The following ANKFN1 variants were observed in gnomAD, a reference collection of about 807,000 sequenced individuals.
The protein encoded by ANKFN1 is ankyrin repeat and fibronectin type III domain containing 1, also known as ankyrin repeat and fibronectin type-III domain-containing protein 1.
A neutral mutation model predicts 108.7 loss-of-function variants in ANKFN1; 74 were observed. That is an observed-to-expected ratio of 0.68 (90% CI 0.56 to 0.83). The LOEUF (loss-of-function observed/expected upper bound fraction) is 0.83. Ranked by LOEUF, ANKFN1 falls within the 40% of genes least tolerant of loss-of-function variation. ANKFN1 has a pLI of 0.00. For missense variants in ANKFN1, 1,505 were observed against 1,382.3 expected (o/e 1.09, Z -1.41); for synonymous variants, 547 against 516.2 (o/e 1.06, Z -0.81).
intron 8 of ANKFN1, among the ~76,000 whole-genome samples, chr17:56,404,723 A>T (rs2047865794): frequency 1.3e-5 from 2 of 152,060 alleles, no homozygotes; most frequent in South Asian, 2.1e-4. Context: ...TTTGGGGGGT[A>T]TGGAAGAGCC....
intron 1 of ANKFN1, among the ~76,000 whole-genome samples, chr17:56,163,417 G>T (rs910127449): frequency 5.3e-5 from 8 of 152,230 alleles, no homozygotes; most frequent in African/African-American, 1.7e-4. Context: ...TAGCGGTGCA[G>T]AAAGCCCTGG....
At chr17:56,053,765 C>T (rs1904817905) in intron 4 of ANKFN1, among the ~76,000 whole-genome samples, 1 of 152,128 alleles carries the variant, frequency 6.6e-6, no homozygotes, top group South Asian at 2.1e-4. Flanking sequence ...ATTTACATTC[C>T]CAGCAACAGT....
At chr17:56,130,760 C>G (rs1255426465) in intron 4 of ANKFN1, among the ~76,000 whole-genome samples, 3 of 152,058 alleles carry the variant, frequency 2.0e-5, no homozygotes, top group African/African-American at 4.8e-5. Context: ...GGAGATGCAG[C>G]CTGAGAGTGT....
intron 4 of ANKFN1, among the ~76,000 whole-genome samples, chr17:56,345,731 A>G (rs2046082244): frequency 1.3e-5 from 2 of 151,856 alleles, no homozygotes; most frequent in African/African-American, 4.8e-5. Flanking sequence ...CTACTTTTTG[A>G]TGGGGTTGTT....
intron 1 of ANKFN1, among the ~76,000 whole-genome samples, chr17:56,172,686 G>A (rs936331752): frequency 3.3e-5 from 5 of 152,196 alleles, no homozygotes; most frequent in Non-Finnish European, 7.3e-5. Context: ...AGCATGGGAT[G>A]TATTTGCTGA....
At chr17:56,432,382 A>G (rs917942521) in intron 8 of ANKFN1, among the ~76,000 whole-genome samples, 4 of 152,246 alleles carry the variant, frequency 2.6e-5, no homozygotes, top group South Asian at 4.1e-4. Flanking sequence ...AGGTCCAGAC[A>G]ACATGAAATA....
At chr17:56,125,986 G>C (rs1223198132) in intron 4 of ANKFN1, among the ~76,000 whole-genome samples, 1 of 152,168 alleles carries the variant, frequency 6.6e-6, no homozygotes, top group African/African-American at 2.4e-5. Context: ...GAAATACCGA[G>C]TCAAATTTGC....
intron 20 of ANKFN1, among the ~76,000 whole-genome samples, chr17:56,508,646 A>G (rs2051647733): frequency 6.6e-6 from 1 of 152,196 alleles, no homozygotes; most frequent in East Asian, 1.9e-4. Flanking sequence ...GAATGGAGGG[A>G]GAAAAATAAA....
At chr17:56,165,209 T>A (rs891209885) in intron 1 of ANKFN1, among the ~76,000 whole-genome samples, 2 of 152,222 alleles carry the variant, frequency 1.3e-5, no homozygotes, top group Non-Finnish European at 2.9e-5. Flanking sequence ...TAGGGTCACG[T>A]AGGACCTGTT....
At chr17:56,424,154 ACC>A (rs1292347279) in intron 8 of ANKFN1, among the ~76,000 whole-genome samples, 1 of 152,138 alleles carries the variant, frequency 6.6e-6, no homozygotes. Flanking sequence ...AAGGGGTGAC[ACC>A]CTTAAAGACA....
chr17:56,221,968 C>G (rs892351147), intron 2 of ANKFN1, among the ~76,000 whole-genome samples: 39 of 152,324 alleles, frequency 2.6e-4, no homozygotes, highest in African/African-American at 9.1e-4. Context: ...GCCTACTGCC[C>G]TGTGTGGAAA....
intron 8 of ANKFN1, among the ~76,000 whole-genome samples, chr17:56,381,033 C>A (rs185249252): frequency 0.01 from 1,537 of 152,306 alleles, 12 homozygotes; most frequent in Non-Finnish European, 0.018. Flanking sequence ...CTGGGAGGCA[C>A]CCCCCAGTAG....
In ANKFN1 at chr17:56,416,135, C is replaced by A. The variant is rs542579343; in HGVS notation, c.911-24192C>A. On this transcript the variant is annotated intron_variant, in intron 8 of 20. Transcript: ENST00000682825. Reference sequence around the variant, plus strand: ...ACAAGATAACACTGGAGGAAAATCTCCAGGACATTGGTCTACGTAAAAATT... The same window carrying A: ...ACAAGATAACACTGGAGGAAAATCTACAGGACATTGGTCTACGTAAAAATT... Among the ~76,000 whole-genome samples, 19 of 152,244 alleles carry A rather than the reference C, an allele frequency of 1.2e-4. No homozygotes were observed. The East Asian group carries it at 3.5e-3, about 28-fold the overall frequency.
At chr17:56,451,847 G>A (rs1390695951) in intron 11 of ANKFN1, among the ~76,000 whole-genome samples, 2 of 152,126 alleles carry the variant, frequency 1.3e-5, no homozygotes, top group Non-Finnish European at 2.9e-5. Context: ...TGTAATGACC[G>A]TGTAATGACT....
At chr17:56,460,756 TA>T (rs1313217521) in intron 14 of ANKFN1, among the ~76,000 whole-genome samples, 1 of 152,098 alleles carries the variant, frequency 6.6e-6, no homozygotes, top group Non-Finnish European at 1.5e-5. Context: ...ATTTTTATTT[TA>T]AAATACTCAA....
At chr17:56,180,040 C>T (rs1359811215) in intron 1 of ANKFN1, among the ~76,000 whole-genome samples, 1 of 152,122 alleles carries the variant, frequency 6.6e-6, no homozygotes, top group East Asian at 1.9e-4. Flanking sequence ...ACAAAGAGAA[C>T]CATAGATTCA....
At chr17:56,381,465 G>A (rs1214369507) in intron 8 of ANKFN1, among the ~76,000 whole-genome samples, 2 of 152,192 alleles carry the variant, frequency 1.3e-5, no homozygotes, top group East Asian at 1.9e-4. Context: ...AGAGAAGAAG[G>A]CATCAGACGA....
chr17:56,387,393 C>T (rs2047306538), intron 8 of ANKFN1, among the ~76,000 whole-genome samples: 1 of 152,160 alleles, frequency 6.6e-6, no homozygotes, highest in Non-Finnish European at 1.5e-5. Flanking sequence ...ATTTGTTTCA[C>T]TTCCATGTTA....
At chr17:56,190,838 T>G (rs375373177) in intron 1 of ANKFN1, among the ~76,000 whole-genome samples, 12 of 131,428 alleles carry the variant, frequency 9.1e-5, no homozygotes, top group African/African-American at 3.5e-4. Flanking sequence ...TTATTAATGT[T>G]TGGGAGTCTA....
Sources: allele counts gnomAD v4.1 joint callset (sites outside exome capture counted in the v4.1 genomes callset), GRCh38; gene constraint gnomAD v4.1.1; transcripts MANE v1.5; gene names NCBI Gene and HGNC (gene_info 2026-07-23, HGNC 2026-07-21).